The following DGCR2 variants were observed in gnomAD, a reference collection of about 807,000 sequenced individuals.
DGCR2 encodes DiGeorge syndrome critical region gene 2, also known as integral membrane protein DGCR2/IDD.
Under a neutral mutation model 51.6 loss-of-function variants are expected in DGCR2, and 24 were observed. That is an observed-to-expected ratio of 0.47 (90% CI 0.34 to 0.65). The LOEUF (loss-of-function observed/expected upper bound fraction) is 0.65. DGCR2 is among the 30% of genes least tolerant of loss of function. The pLI, the probability that DGCR2 is intolerant of heterozygous loss-of-function variation, is 0.01. For missense variants in DGCR2, 765 were observed against 772.1 expected (o/e 0.99, Z 0.11); for synonymous variants, 340 against 315.4 (o/e 1.08, Z -0.82).
At chr22:19,110,264 G>C (rs368152682) in intron 1 of DGCR2, among the ~76,000 whole-genome samples, 9 of 152,212 alleles carry the variant, frequency 5.9e-5, no homozygotes, top group Non-Finnish European at 1.3e-4. Flanking sequence ...AAATGGGGAT[G>C]GGGTGGCAGT....
In DGCR2 at chr22:19,039,135, CAG is replaced by C. The variant is rs775476439; in HGVS notation, c.1397-16_1397-15del. 28 of 1,612,386 alleles carry C rather than the reference CAG, an allele frequency of 1.7e-5. No individual in the cohort carries two copies. The East Asian group carries it at 4.9e-4, about 28-fold the overall frequency. ...AAGCATCATCGTCTGCAGGAAGAGA[CAG>C]AGGGGTGTCAGAGGCAGGTACGGGC... On this transcript the variant is annotated splice_polypyrimidine_tract_variant and intron_variant, in intron 9 of 9. Coordinates refer to ENST00000263196, the MANE Select transcript of DGCR2 (RefSeq NM_005137.3).
At chr22:19,088,899 A>C (rs1167975728) in intron 2 of DGCR2, among the ~76,000 whole-genome samples, 2 of 152,154 alleles carry the variant, frequency 1.3e-5, no homozygotes, top group African/African-American at 4.8e-5. Context: ...GAGACTACAT[A>C]ATGGCCAGGA....
chr22:19,072,647 G>C (rs182821202), intron 2 of DGCR2, among the ~76,000 whole-genome samples: 91 of 150,932 alleles, frequency 6.0e-4, no homozygotes, highest in Non-Finnish European at 9.6e-4. Context: ...GCCCGAGGTG[G>C]GCAGATCACA....
intron 5 of DGCR2, among the ~76,000 whole-genome samples, chr22:19,062,486 T>G (rs887438403): frequency 1.6e-4 from 24 of 152,190 alleles, no homozygotes; most frequent in African/African-American, 5.3e-4. Flanking sequence ...AGGACTGGGA[T>G]GTGTTTACGA....
chr22:19,083,147 C>A (rs1326189164), intron 2 of DGCR2, among the ~76,000 whole-genome samples: 1 of 151,976 alleles, frequency 6.6e-6, no homozygotes, highest in Non-Finnish European at 1.5e-5. Flanking sequence ...TAAAGATAGT[C>A]TCCTATAATT....
intron 1 of DGCR2, among the ~76,000 whole-genome samples, chr22:19,089,750 T>A (rs2146013597): frequency 6.6e-6 from 1 of 152,354 alleles, no homozygotes; most frequent in South Asian, 2.1e-4. Context: ...CTAGCTAATT[T>A]TTATATTTTT....
Position 19,065,082 on chromosome 22 carries a change from G to A in DGCR2, c.329-15C>T, listed in dbSNP as rs769760904. 1.2e-6 allele frequency: 2 copies of A among 1,611,216 alleles called. No individual in the cohort carries two copies. The highest frequency in any genetic ancestry group is 2.2e-5 in the South Asian group (2 of 90,894). On this transcript the variant is annotated splice_polypyrimidine_tract_variant and intron_variant, in intron 3 of 9. Coordinates refer to ENST00000263196, the MANE Select transcript of DGCR2 (RefSeq NM_005137.3). ...CCCTAGGAAACATAAAGGACAGAAG[G>A]GGAGTTGTCCCCCAAGTTAGGATCC...
chr22:19,070,209 T>C (rs541826843), intron 2 of DGCR2, among the ~76,000 whole-genome samples: 1 of 151,890 alleles, frequency 6.6e-6, no homozygotes, highest in Non-Finnish European at 1.5e-5. Context: ...ATGCAGCCAC[T>C]AGGATGGGGC....
intron 4 of DGCR2, among the ~76,000 whole-genome samples, chr22:19,064,342 A>G (rs1326626117): frequency 1.3e-5 from 2 of 152,222 alleles, no homozygotes; most frequent in African/African-American, 4.8e-5. Context: ...CTCCCTTTGT[A>G]GCTGCAGAAG....
rs148030541 is a variant in DGCR2 at position 19,114,151 on chromosome 22, G to GAA, written c.79+7976_79+7977insTT. ...TTCCTCTCCATCTTTTGTTACCAAA[G>GAA]GAAAAAAAAAAAAAAGAATGAAGTT... On this transcript the variant is annotated intron_variant, in intron 1 of 9. Transcript: ENST00000263196. Among the ~76,000 whole-genome samples the GAA allele has an allele frequency of 6.1e-4, 69 of 113,060 alleles. 1 individual carries two copies. The highest frequency in any genetic ancestry group is 1.5e-3 in the East Asian group (6 of 3,904). The allele number at this position is 113,060 out of a possible 152,430, so 74.2% of individuals were successfully genotyped here.
chr22:19,102,906 T>C (rs1267678304), intron 1 of DGCR2, among the ~76,000 whole-genome samples: 1 of 152,024 alleles, frequency 6.6e-6, no homozygotes, highest in Non-Finnish European at 1.5e-5. Flanking sequence ...CTCCGGAGGC[T>C]GAGATAGGAG....
At chr22:19,110,437 A>G (rs2083302301) in intron 1 of DGCR2, among the ~76,000 whole-genome samples, 1 of 152,134 alleles carries the variant, frequency 6.6e-6, no homozygotes, top group Non-Finnish European at 1.5e-5. Context: ...AGAAGACAAG[A>G]AAAGCAGGGT....
chr22:19,057,269 T>C lies in DGCR2; in HGVS notation c.626-107A>G. 8.0e-7 allele frequency: 1 copy of C among 1,251,824 alleles called. No individual in the cohort carries two copies. The highest frequency in any genetic ancestry group is 1.1e-6 in the Non-Finnish European group (1 of 920,226). 77.5% of individuals were successfully genotyped at this position (1,251,824 alleles called of 1,614,324 possible). ...AGACAGGATCATCAACCACAGGGCC[T>C]GGACCGCCAAGTACTGGTGGTCACT... On this transcript the variant is annotated intron_variant, in intron 5 of 9. Transcript: ENST00000263196. The surrounding 1 kb of genome is among the most constrained non-coding windows in gnomAD (Gnocchi z 5.1).
chr22:19,089,231 G>C (rs984824839), intron 2 of DGCR2, 137 bp downstream of exon 2: 5 of 988,874 alleles, frequency 5.1e-6, no homozygotes, highest in Non-Finnish European at 7.0e-6. Context: ...AAGACAGAGA[G>C]AGAGGAAGGG....
intron 5 of DGCR2, among the ~76,000 whole-genome samples, chr22:19,062,785 T>TCTCTCTCA: frequency 7.1e-6 from 1 of 141,710 alleles, no homozygotes; most frequent in South Asian, 2.2e-4. Flanking sequence ...GCTCACTCTC[T>TCTCTCTCA]CTCTCTCTCT....
At position 19,089,462 on chromosome 22, in the gene DGCR2, C is replaced by T. The variant is rs756830992; in HGVS notation, c.108G>A (p.Ala36=). 11 of 1,602,496 alleles carry T rather than the reference C, an allele frequency of 6.9e-6. No individual in the cohort carries two copies. The highest frequency in any genetic ancestry group is 4.6e-5 in the East Asian group (2 of 43,934). Residue 36 remains alanine (A), a synonymous_variant, in exon 2 of 10, where the codon GCG becomes GCA. Coordinates refer to ENST00000263196, the MANE Select transcript of DGCR2 (RefSeq NM_005137.3). The stretch of plus-strand genomic sequence containing the variant: ...TGCACTGGATGGTGCCGCTGCGACA[C>T]GCAAACTGCCCAGGGTTGCACCGCA... ...PELRCNPGQF[A]CRSGTIQCIP... is the part of the protein sequence containing the mutation.
chr22:19,042,613 T>C (rs1470687358), intron 7 of DGCR2, among the ~76,000 whole-genome samples: 1 of 152,056 alleles, frequency 6.6e-6, no homozygotes, highest in Non-Finnish European at 1.5e-5. Flanking sequence ...GAGGACAGGC[T>C]GCAAGGGAGT....
chr22:19,076,993 T>G lies in DGCR2; in HGVS notation c.203-8768A>C, dbSNP rs1391061453. Among the ~76,000 whole-genome samples the G allele has an allele frequency of 3.3e-5, 5 of 152,000 alleles. 1 individual carries two copies. The South Asian group carries it at 8.3e-4, about 25-fold the overall frequency. On this transcript the variant is annotated intron_variant, in intron 2 of 9. Coordinates refer to ENST00000263196, the MANE Select transcript of DGCR2 (RefSeq NM_005137.3). ...GATCCGCCGGCCTCCCAAAGTGCTG[T>G]GATTACAGGCGTGAGCCGCCGCACC... is the stretch of plus-strand genomic sequence containing the variant.
chr22:19,046,146 C>A (rs1178570619), intron 7 of DGCR2: 1 of 152,212 alleles, frequency 6.6e-6, no homozygotes, highest in Non-Finnish European at 1.5e-5. Context: ...TATTGAGACA[C>A]CTGATCCATG....
Sources: allele counts gnomAD v4.1 joint callset (sites outside exome capture counted in the v4.1 genomes callset), GRCh38; gene constraint gnomAD v4.1.1; non-coding constraint Gnocchi (gnomAD v3.1); transcripts MANE v1.5; gene names NCBI Gene and HGNC (gene_info 2026-07-23, HGNC 2026-07-21).